Variants in NLRP8 observed in about 807,000 individuals in gnomAD.
NLRP8 encodes the protein NLR family pyrin domain containing 8, also known as NACHT, LRR and PYD domains-containing protein 8.
NLRP8 carries 86 observed loss-of-function variants against 88.7 expected under a neutral mutation model. The observed-to-expected ratio is 0.97, with a 90% CI of 0.81 to 1.16. The LOEUF (loss-of-function observed/expected upper bound fraction) is 1.16. Among genes scored for constraint, NLRP8 ranks in the 50% most tolerant of loss-of-function variants. The pLI is 0.00. For missense variants in NLRP8, 1,342 were observed against 1,286.5 expected, an observed-to-expected ratio of 1.04 and a Z score of -0.66; for synonymous variants, 504 against 494.6, an observed-to-expected ratio of 1.02 and a Z score of -0.25.
At chr19:55,981,291 C>G (rs935803863) in intron 9 of NLRP8, among the ~76,000 whole-genome samples, 133 bp downstream of exon 10, 1 of 151,464 alleles carries the variant, frequency 6.6e-6, no homozygotes, top group African/African-American at 2.4e-5. Context: ...CGTCCTGACT[C>G]TGGAATGGCT....
intron 2 of NLRP8, 102 bp from the exon 3 acceptor site, chr19:55,954,399 G>A (rs1207879001): frequency 8.7e-7 from 1 of 1,151,876 alleles, no homozygotes; most frequent in East Asian, 2.4e-5. Flanking sequence ...GGGCATCACG[G>A]GGCTTCACGT....
chr19:55,986,124 G>A (rs1980794963), intron 9 of NLRP8, among the ~76,000 whole-genome samples: 2 of 152,146 alleles, frequency 1.3e-5, no homozygotes, highest in African/African-American at 4.8e-5. Context: ...CAATGGATGT[G>A]TTTGTTAGCT....
intron 2 of NLRP8, among the ~76,000 whole-genome samples, chr19:55,954,118 G>A (rs1979221230): frequency 6.6e-6 from 1 of 152,034 alleles, no homozygotes; most frequent in Non-Finnish European, 1.5e-5. Flanking sequence ...AAGTATTTCT[G>A]ATTTGAATGG....
chr19:55,957,251 C>T (rs1043699345), intron 3 of NLRP8, among the ~76,000 whole-genome samples: 4 of 152,116 alleles, frequency 2.6e-5, no homozygotes, highest in Admixed American at 1.3e-4. Flanking sequence ...CTGGTGTGAC[C>T]GAGTGAATGA....
At position 55,979,462 on chromosome 19, in the gene NLRP8, A is replaced by T. The variant is rs773465400; in HGVS notation, c.2945A>T (p.His982Leu). 6.2e-7 allele frequency: 1 copy of T among 1,614,204 alleles called. No homozygotes were observed. Among genetic ancestry groups the T allele is most frequent in the Non-Finnish European group, 8.5e-7 (1 of 1,180,022 alleles). The change falls in exon 9 of 10, where the codon CAT becomes CTT. Residue 982 changes from histidine to leucine, a missense_variant. His to Leu is a moderately conservative substitution (Grantham distance 99). Coordinates refer to ENST00000291971, the MANE Select transcript of NLRP8 (RefSeq NM_176811.2). ...GCTTCCATGCTCCGCAAAAACCAACATCTGAGACATCTGGACTTGAGCAAG... is the reference window on the plus strand; with the variant it reads ...GCTTCCATGCTCCGCAAAAACCAACTTCTGAGACATCTGGACTTGAGCAAG...
intron 5 of NLRP8, among the ~76,000 whole-genome samples, chr19:55,967,329 C>A (rs1287609885): frequency 2.0e-5 from 3 of 152,178 alleles, no homozygotes; most frequent in African/African-American, 7.2e-5. Context: ...CCTGACCTTC[C>A]CCTGCTCTCC....
intron 9 of NLRP8, among the ~76,000 whole-genome samples, chr19:55,980,675 G>C (rs1980535253): frequency 6.6e-6 from 1 of 152,178 alleles, no homozygotes; most frequent in African/African-American, 2.4e-5. Context: ...GGCAGAGGCA[G>C]AGGGAGATGG....
In NLRP8 at chr19:55,966,604, C is replaced by T. The variant is rs988028721; in HGVS notation, c.2381+224C>T. ...GATCACGAGGTAGAGACCAACCTGGCCAACATGGTGAAACTCCATCTCTAC... is the reference window on the plus strand; with the variant it reads ...GATCACGAGGTAGAGACCAACCTGGTCAACATGGTGAAACTCCATCTCTAC... On this transcript the variant is annotated intron_variant, in intron 5 of 9. Coordinates refer to ENST00000291971, the MANE Select transcript of NLRP8 (RefSeq NM_176811.2). Among the ~76,000 whole-genome samples, 3 of 152,078 alleles carry T rather than the reference C, an allele frequency of 2.0e-5. No individual in the cohort carries two copies. In the East Asian group the frequency reaches 5.8e-4, roughly 29 times the overall value.
At position 55,954,943 on chromosome 19, in the gene NLRP8, C is replaced by T. The variant is rs1979266841; in HGVS notation, c.885C>T (p.Leu295=). 1.2e-6 allele frequency: 2 copies of T among 1,614,076 alleles called. No homozygotes were observed. Among genetic ancestry groups the T allele is most frequent in the Non-Finnish European group, 1.7e-6 (2 of 1,180,050 alleles). ...GCTTTGAGGAGCTCACATCTACCCT[C>T]ATTGACAGACTGGAGGACCTGAGTG... The change falls in exon 3 of 10, where the codon CTC becomes CTT. Residue 295 remains leucine (L), a synonymous_variant. Transcript: ENST00000291971.
Position 55,962,202 on chromosome 19 carries a change from A to T in NLRP8, c.2178A>T (p.Ala726=). The T allele has an allele frequency of 6.2e-7, 1 of 1,614,082 alleles. No homozygotes were observed. The highest frequency in any genetic ancestry group is 8.5e-7 in the Non-Finnish European group (1 of 1,180,012). ...CTTTTTTGAAGGCTCTCGCGGCCGC[A>T]CTGAGGCACCCTCAGTGCAAACTGC... The change falls in exon 4 of 10, where the codon GCA becomes GCT. Residue 726 remains alanine (A), a synonymous_variant. Transcript: ENST00000291971.
Position 55,954,688 on chromosome 19 carries a change from A to G in NLRP8, c.630A>G (p.Gly210=). 1 of 1,614,132 alleles carries G rather than the reference A, an allele frequency of 6.2e-7. No individual in the cohort carries two copies. The highest frequency in any genetic ancestry group is 8.5e-7 in the Non-Finnish European group (1 of 1,180,026). Residue 210 remains glycine (G), a synonymous_variant, in exon 3 of 10, where the codon GGA becomes GGG. Coordinates refer to ENST00000291971, the MANE Select transcript of NLRP8 (RefSeq NM_176811.2). ...AGCCCAAGACCGTGGCCATACAGGG[A>G]GCTCCTGGGATCGGAAAAACAATCC...
At chr19:55,985,523 A>T (rs2123235551) in intron 9 of NLRP8, among the ~76,000 whole-genome samples, 1 of 152,264 alleles carries the variant, frequency 6.6e-6, no homozygotes, top group East Asian at 1.9e-4. Context: ...ATGGTGCTAA[A>T]TTGATTGTTC....
At chr19:55,980,546 G>A (rs1980528505) in intron 9 of NLRP8, among the ~76,000 whole-genome samples, 1 of 152,196 alleles carries the variant, frequency 6.6e-6, no homozygotes, top group Admixed American at 6.5e-5. Flanking sequence ...GATGAGGGCT[G>A]TTGAATCTGC....
At chr19:55,959,179 G>T (rs1979506055) in intron 3 of NLRP8, among the ~76,000 whole-genome samples, 2 of 151,434 alleles carry the variant, frequency 1.3e-5, no homozygotes, top group African/African-American at 4.9e-5. Context: ...TGCCTAGCCA[G>T]GGTGTATTTT....
intron 2 of NLRP8, among the ~76,000 whole-genome samples, chr19:55,953,913 T>C (rs1222105537): frequency 6.8e-6 from 1 of 147,276 alleles, no homozygotes; most frequent in East Asian, 2.1e-4. Context: ...GCAATTCTCC[T>C]GCCTCCACCT....
intron 3 of NLRP8, among the ~76,000 whole-genome samples, chr19:55,957,413 C>T (rs1297497677): frequency 1.3e-5 from 2 of 151,958 alleles, no homozygotes; most frequent in Non-Finnish European, 1.5e-5. Context: ...AAGCTGGGTG[C>T]CGTGGTTCAT....
At chr19:55,956,764 T>C (rs1979375170) in intron 3 of NLRP8, among the ~76,000 whole-genome samples, 1 of 152,088 alleles carries the variant, frequency 6.6e-6, no homozygotes, top group African/African-American at 2.4e-5. Context: ...CTGTGCTGCA[T>C]GCCCATAAAG....
At chr19:55,975,131 C>G (rs1423978188) in intron 7 of NLRP8, among the ~76,000 whole-genome samples, 5 of 152,172 alleles carry the variant, frequency 3.3e-5, no homozygotes, top group Non-Finnish European at 7.3e-5. Flanking sequence ...ATCACCGAAC[C>G]ATAACCATCG....
intron 8 of NLRP8, among the ~76,000 whole-genome samples, chr19:55,977,081 A>T (rs76458010): frequency 7.2e-6 from 1 of 139,214 alleles, no homozygotes; most frequent in South Asian, 2.2e-4. Flanking sequence ...CTCTGTCTCA[A>T]AAAAAAAAAA....
Sources: allele counts gnomAD v4.1 joint callset (sites outside exome capture counted in the v4.1 genomes callset), GRCh38; gene constraint gnomAD v4.1.1; transcripts MANE v1.5; gene names NCBI Gene and HGNC (gene_info 2026-07-23, HGNC 2026-07-21).